The following HLCS variants were observed in gnomAD, a reference collection of about 807,000 sequenced individuals.
HLCS encodes the protein holocarboxylase synthetase, also known as biotin--protein ligase.
In HLCS, 53 loss-of-function variants were observed where a neutral mutation model predicts 75.0. The observed-to-expected ratio is 0.71, with a 90% CI of 0.57 to 0.89. The LOEUF (loss-of-function observed/expected upper bound fraction) is 0.89. Among genes scored for constraint, HLCS ranks in the 40% least tolerant of loss-of-function variants. HLCS has a pLI of 0.00. For missense variants in HLCS, 966 were observed against 1,074.0 expected (o/e 0.90, Z 1.41); for synonymous variants, 431 against 428.6 (o/e 1.01, Z -0.07).
chr21:36,764,952 A>T, intron 8 of HLCS, 60 bp downstream of exon 8: 2 of 1,559,228 alleles, frequency 1.3e-6, no homozygotes, highest in South Asian at 1.1e-5. Context: ...GCTATAAACA[A>T]GAATAAGCCA....
intron 6 of HLCS, among the ~76,000 whole-genome samples, chr21:36,789,246 G>A (rs899411560): frequency 6.6e-6 from 1 of 152,010 alleles, no homozygotes; most frequent in Non-Finnish European, 1.5e-5. Flanking sequence ...CTAGAGACAG[G>A]GTCTTGCTAT....
At chr21:36,871,742 G>C (rs924777629) in intron 6 of HLCS, among the ~76,000 whole-genome samples, 2 of 151,702 alleles carry the variant, frequency 1.3e-5, no homozygotes, top group Non-Finnish European at 2.9e-5. Flanking sequence ...ATCTGAAAAA[G>C]GACTGGTATC....
chr21:36,827,943 AG>A (rs1319128567), intron 6 of HLCS, among the ~76,000 whole-genome samples: 63 of 151,484 alleles, frequency 4.2e-4, no homozygotes, highest in African/African-American at 1.3e-3. Context: ...CCTCCCAAGT[AG>A]CTGGGACTAC....
At chr21:36,967,727 T>A (rs1268676082), upstream of HLCS, among the ~76,000 whole-genome samples, 1 of 152,140 alleles carries the variant, frequency 6.6e-6, no homozygotes, top group Non-Finnish European at 1.5e-5. Flanking sequence ...ATAGTTTTTG[T>A]TTGTTTGTTT....
chr21:36,865,693 A>G (rs2063532065), intron 6 of HLCS, among the ~76,000 whole-genome samples: 1 of 152,226 alleles, frequency 6.6e-6, no homozygotes, highest in South Asian at 2.1e-4. Context: ...GAAAATTCTG[A>G]ACATTCCACC....
chr21:36,804,120 A>G (rs1443141978), intron 6 of HLCS: 2 of 152,446 alleles, frequency 1.3e-5, no homozygotes, highest in African/African-American at 4.8e-5. Context: ...TGTGCAGTCC[A>G]CCAATCCGCT....
chr21:36,950,940 C>T (rs952290477), intron 2 of HLCS, among the ~76,000 whole-genome samples: 1 of 152,200 alleles, frequency 6.6e-6, no homozygotes, highest in African/African-American at 2.4e-5. Flanking sequence ...CAGCTCTAGT[C>T]CTTGTGCTGA....
chr21:36,782,208 G>A (rs1410730603), intron 6 of HLCS, among the ~76,000 whole-genome samples: 1 of 151,836 alleles, frequency 6.6e-6, no homozygotes, highest in Non-Finnish European at 1.5e-5. Flanking sequence ...CATTTTTGAT[G>A]AGCCCATCCT....
chr21:36,860,626 G>A (rs1452666794), intron 6 of HLCS, among the ~76,000 whole-genome samples: 1 of 152,070 alleles, frequency 6.6e-6, no homozygotes, highest in African/African-American at 2.4e-5. Context: ...AGGAGGAGAG[G>A]CTGAAGAAAA....
chr21:36,754,368 C>G lies in HLCS; in HGVS notation c.2500G>C (p.Val834Leu). ...AGGAAGCCAGAATCGTCCAGGCCAA[C>G]GATGGACACCTTTGGTCCCTCTGCG... ...GSAEGPKVSI[V>L]GLDDSGFLQV... Residue 834 changes from valine (V) to leucine (L), a missense_variant, in exon 11 of 11, where the codon GTT (valine) becomes CTT (leucine). Transcript: ENST00000674895. 1 of 1,613,898 alleles carries G rather than the reference C, an allele frequency of 6.2e-7. No individual in the cohort carries two copies. The highest frequency in any genetic ancestry group is 1.1e-5 in the South Asian group (1 of 91,014).
intron 6 of HLCS, among the ~76,000 whole-genome samples, chr21:36,850,428 A>T (rs1394549144): frequency 6.6e-6 from 1 of 152,124 alleles, no homozygotes; most frequent in Non-Finnish European, 1.5e-5. Context: ...GTAACCCCTG[A>T]CCTGGTCAGG....
intron 6 of HLCS, among the ~76,000 whole-genome samples, chr21:36,792,745 T>C (rs1221712194): frequency 2.0e-5 from 3 of 152,120 alleles, no homozygotes; most frequent in Admixed American, 6.5e-5. Context: ...CAACAACCTG[T>C]GTCTCACTCC....
chr21:36,973,213 G>C (rs1282760684), intron 1 of HLCS, among the ~76,000 whole-genome samples: 2 of 140,752 alleles, frequency 1.4e-5, no homozygotes, highest in Non-Finnish European at 3.1e-5. Flanking sequence ...CTCAGCGACA[G>C]AGAAAGACCC....
chr21:36,799,121 T>C (rs75863698), intron 6 of HLCS, among the ~76,000 whole-genome samples: 7,717 of 152,302 alleles, frequency 0.051, 301 homozygotes, highest in South Asian at 0.18. Flanking sequence ...CACAAATATA[T>C]TCTCTGAGAA....
chr21:36,912,845 T>A (rs1233394396), intron 5 of HLCS, among the ~76,000 whole-genome samples: 1 of 152,150 alleles, frequency 6.6e-6, no homozygotes, highest in Non-Finnish European at 1.5e-5. Context: ...GGTCTCGCTG[T>A]GCTCTCCTCT....
intron 2 of HLCS, among the ~76,000 whole-genome samples, chr21:36,946,431 G>A (rs569118169): frequency 1.3e-5 from 2 of 151,786 alleles, no homozygotes; most frequent in South Asian, 4.2e-4. Flanking sequence ...TTGTAGAGAC[G>A]AGAATTCGCT....
chr21:36,879,024 G>A (rs989254169), intron 6 of HLCS, among the ~76,000 whole-genome samples: 2 of 147,568 alleles, frequency 1.4e-5, no homozygotes, highest in African/African-American at 2.5e-5. Flanking sequence ...AGTTAAGACC[G>A]AATGGTAAAA....
chr21:36,864,403 A>G (rs549947790), intron 6 of HLCS, among the ~76,000 whole-genome samples: 38 of 152,274 alleles, frequency 2.5e-4, no homozygotes, highest in African/African-American at 8.4e-4. Flanking sequence ...CTCAAAAAAA[A>G]AAAAAAGTAC....
intron 6 of HLCS, among the ~76,000 whole-genome samples, chr21:36,855,972 C>A (rs1270064643): frequency 1.3e-5 from 2 of 152,102 alleles, no homozygotes; most frequent in Admixed American, 6.6e-5. Context: ...AGGTGAAAGG[C>A]CGCATGTTAT....
Sources: allele counts gnomAD v4.1 joint callset (sites outside exome capture counted in the v4.1 genomes callset), GRCh38; gene constraint gnomAD v4.1.1; transcripts MANE v1.5; gene names NCBI Gene and HGNC (gene_info 2026-07-23, HGNC 2026-07-21).